The following SP100 variants were observed in gnomAD, a reference collection of about 807,000 sequenced individuals.
SP100 encodes SP100 nuclear body protein.
Under a neutral mutation model 130.0 loss-of-function variants are expected in SP100, and 84 were observed. The ratio of observed to expected loss-of-function variants is 0.65; its 90% CI spans 0.54 to 0.77. SP100 has a LOEUF of 0.77. SP100 is among the 30% of genes least tolerant of loss of function. The pLI is 0.00. For synonymous variants in SP100, 331 were observed against 351.7 expected (o/e 0.94, Z 0.66); for missense variants, 978 against 1,052.2 (o/e 0.93, Z 0.97).
intron 2 of SP100, among the ~76,000 whole-genome samples, chr2:230,417,993 G>T (rs948816682): frequency 2.2e-5 from 3 of 135,260 alleles, no homozygotes; most frequent in Non-Finnish European, 5.0e-5. Flanking sequence ...TATAAACGAG[G>T]TGATGCTGAC....
chr2:230,541,781 G>T, intron 27 of SP100, 111 bp from the exon 28 acceptor site: 1 of 1,158,826 alleles, frequency 8.6e-7, no homozygotes, highest in African/African-American at 1.5e-5. Flanking sequence ...CTTCACAGGG[G>T]GGTTAGGATT....
At chr2:230,450,279 T>C (rs1252324862) in intron 8 of SP100, 24 bp downstream of exon 8, 1 of 1,558,416 alleles carries the variant, frequency 6.4e-7, no homozygotes, top group South Asian at 1.1e-5. Flanking sequence ...ACCTTGCCTA[T>C]TTTCTTTCCT....
chr2:230,530,812 G>C (rs1691665642), intron 24 of SP100, among the ~76,000 whole-genome samples: 2 of 152,032 alleles, frequency 1.3e-5, no homozygotes, highest in Admixed American at 1.3e-4. Flanking sequence ...CAACAAACAT[G>C]AAAAAATGCT....
intron 2 of SP100, among the ~76,000 whole-genome samples, chr2:230,438,680 C>T (rs544943210): frequency 6.6e-6 from 1 of 151,266 alleles, no homozygotes; most frequent in East Asian, 1.9e-4. Flanking sequence ...CACACACACA[C>T]ACACACATAT....
chr2:230,541,372 TGTAA>T lies in SP100; in HGVS notation c.2403+5_2403+8del. The T allele has an allele frequency of 1.2e-6, 2 of 1,612,706 alleles. No individual in the cohort carries two copies. The highest frequency in any genetic ancestry group is 1.7e-6 in the Non-Finnish European group (2 of 1,178,754). On this transcript the variant is annotated splice_donor_variant and splice_donor_region_variant and intron_variant, in intron 27 of 28. Transcript: ENST00000340126. LOFTEE classifies it high-confidence loss of function. ...GCTTTTTCGCCTCAGAACCGTATTA[TGTAA>T]GTAACAGCCAAACAAAAATGCTTAT... is the stretch of plus-strand genomic sequence containing the variant.
chr2:230,545,599 TAATAA>T (rs1692281072), exon 29 of SP100, among the ~76,000 whole-genome samples: 1 of 152,200 alleles, frequency 6.6e-6, no homozygotes, highest in Non-Finnish European at 1.5e-5. Flanking sequence ...AAAATTTTAA[TAATAA>T]AATTGTCTTA....
intron 17 of SP100, among the ~76,000 whole-genome samples, chr2:230,488,628 C>T (rs1269732891): frequency 1.3e-5 from 2 of 152,150 alleles, no homozygotes; most frequent in Non-Finnish European, 1.5e-5. Context: ...TTAGCCAGGA[C>T]AGTCTCAATC....
At chr2:230,462,906 T>C (rs1559501724) in intron 10 of SP100, among the ~76,000 whole-genome samples, 1 of 152,210 alleles carries the variant, frequency 6.6e-6, no homozygotes, top group Non-Finnish European at 1.5e-5. Context: ...TATGGGAAGA[T>C]GTTATTGTCA....
chr2:230,491,617 G>A (rs1480633769), intron 17 of SP100, among the ~76,000 whole-genome samples: 2 of 152,190 alleles, frequency 1.3e-5, no homozygotes, highest in Non-Finnish European at 2.9e-5. Flanking sequence ...TCCCAGTGCT[G>A]GCTGCTGAAG....
intron 24 of SP100, among the ~76,000 whole-genome samples, chr2:230,514,567 G>A (rs1013612769): frequency 5.9e-5 from 9 of 152,010 alleles, no homozygotes; most frequent in South Asian, 2.1e-4. Flanking sequence ...TTCTCTCTTC[G>A]ATCTCCCTTT....
chr2:230,541,112 G>A (rs1692155324), intron 26 of SP100, 116 bp downstream of exon 26: 1 of 1,370,612 alleles, frequency 7.3e-7, no homozygotes, highest in Non-Finnish European at 1.0e-6. Context: ...GGCCTATGGT[G>A]TGCTTTGCTC....
chr2:230,435,328 G>A (rs1485484043), intron 2 of SP100, among the ~76,000 whole-genome samples: 4 of 152,044 alleles, frequency 2.6e-5, no homozygotes, highest in Non-Finnish European at 5.9e-5. Flanking sequence ...GTTATTTGTT[G>A]CTTTTTATTA....
chr2:230,495,798 T>C (rs2066638119), intron 18 of SP100, among the ~76,000 whole-genome samples: 1 of 152,232 alleles, frequency 6.6e-6, no homozygotes, highest in Admixed American at 6.5e-5. Context: ...TTTATTTATT[T>C]TTGCATCTTG....
At chr2:230,426,652 T>A (rs894830614) in intron 2 of SP100, among the ~76,000 whole-genome samples, 2 of 152,218 alleles carry the variant, frequency 1.3e-5, no homozygotes, top group Non-Finnish European at 1.5e-5. Flanking sequence ...TTAAGACTTC[T>A]TTTGTGGCCT....
Position 230,504,265 on chromosome 2 carries a change from T to G in SP100, c.1845T>G (p.Thr615=), listed in dbSNP as rs1329149362. 6.2e-7 allele frequency: 1 copy of G among 1,607,008 alleles called. No individual in the cohort carries two copies. Among genetic ancestry groups the G allele is most frequent in the Non-Finnish European group, 8.5e-7 (1 of 1,173,914 alleles). The stretch of plus-strand genomic sequence containing the variant: ...TGACCTGTGGTGAGGTGAAGGGCAC[T>G]CTATATAAGGAGCGATTCAAACAAG... The part of the protein sequence containing the change: ...LPVTCGEVKG[T]LYKERFKQGT... The change falls in exon 21 of 29, where the codon ACT becomes ACG. Residue 615 remains threonine, a synonymous_variant. Coordinates refer to ENST00000340126, the MANE Select transcript of SP100 (RefSeq NM_001080391.2).
At chr2:230,484,600 A>G (rs919828414) in intron 17 of SP100, among the ~76,000 whole-genome samples, 6 of 152,144 alleles carry the variant, frequency 3.9e-5, no homozygotes, top group Admixed American at 1.3e-4. Flanking sequence ...TGGGTGGGTG[A>G]TGCAGACTTT....
intron 24 of SP100, among the ~76,000 whole-genome samples, chr2:230,522,178 A>G (rs956706125): frequency 7.2e-5 from 11 of 151,744 alleles, no homozygotes; most frequent in African/African-American, 2.4e-4. Flanking sequence ...AAAGGAAAAC[A>G]CTCTTGACTG....
intron 8 of SP100, among the ~76,000 whole-genome samples, chr2:230,453,456 G>A (rs144567348): frequency 4.6e-5 from 7 of 152,266 alleles, no homozygotes; most frequent in Non-Finnish European, 8.8e-5. Context: ...GGCTTGTCAT[G>A]TATGGCCACT....
chr2:230,526,450 A>G (rs532547442), intron 24 of SP100, among the ~76,000 whole-genome samples: 8 of 152,330 alleles, frequency 5.3e-5, no homozygotes, highest in African/African-American at 1.9e-4. Flanking sequence ...AACCACAAAG[A>G]TGGGGAGAAA....
Sources: gnomAD v4.1 joint callset for allele counts (sites outside exome capture counted in the v4.1 genomes callset) on GRCh38, gnomAD v4.1.1 for gene constraint, MANE v1.5 for transcripts, NCBI Gene and HGNC (gene_info 2026-07-23, HGNC 2026-07-21) for gene names.